The following ADGRB3 variants were observed in gnomAD, a reference collection of about 807,000 sequenced individuals.
The protein encoded by ADGRB3 is brain-specific angiogenesis inhibitor 3.
ADGRB3 carries 37 observed loss-of-function variants against 193.4 expected under a neutral mutation model. The observed-to-expected ratio is 0.19, with a 90% CI of 0.15 to 0.25. The LOEUF (loss-of-function observed/expected upper bound fraction) is 0.25. Ranked by LOEUF, ADGRB3 falls within the 10% of genes least tolerant of loss-of-function variation. The pLI, the probability that ADGRB3 is intolerant of heterozygous loss-of-function variation, is 1.00. For synonymous variants in ADGRB3, 690 were observed against 644.2 expected, an observed-to-expected ratio of 1.07 and a Z score of -1.08; for missense variants, 1,637 against 1,852.9, an observed-to-expected ratio of 0.88 and a Z score of 2.14.
chr6:69,178,376 T>C (rs772053870), intron 17 of ADGRB3, among the ~76,000 whole-genome samples: 10 of 152,040 alleles, frequency 6.6e-5, no homozygotes, highest in Non-Finnish European at 1.3e-4. Flanking sequence ...CAAATGGTTC[T>C]TGGTTTTTTT....
chr6:68,990,402 C>T (rs1769202688), intron 10 of ADGRB3, among the ~76,000 whole-genome samples: 1 of 152,108 alleles, frequency 6.6e-6, no homozygotes, highest in Non-Finnish European at 1.5e-5. Context: ...GTCCCGAGTG[C>T]TTTTCACCTA....
chr6:68,949,674 T>C (rs1348716766), intron 6 of ADGRB3, among the ~76,000 whole-genome samples: 1 of 152,172 alleles, frequency 6.6e-6, no homozygotes, highest in African/African-American at 2.4e-5. Flanking sequence ...TACTGCCTCA[T>C]TAACCTGTTC....
chr6:68,713,402 G>A (rs529649927), intron 3 of ADGRB3, among the ~76,000 whole-genome samples: 8 of 151,774 alleles, frequency 5.3e-5, no homozygotes, highest in African/African-American at 1.9e-4. Context: ...CTTAGGCATA[G>A]TTTATATGGT....
chr6:68,711,679 T>G (rs1168952012), intron 3 of ADGRB3, among the ~76,000 whole-genome samples: 1 of 152,114 alleles, frequency 6.6e-6, no homozygotes, highest in Non-Finnish European at 1.5e-5. Flanking sequence ...GACTGCTGGG[T>G]CTGCTGTTAG....
At chr6:68,639,697 G>A (rs182609038) in intron 3 of ADGRB3, among the ~76,000 whole-genome samples, 1 of 152,270 alleles carries the variant, frequency 6.6e-6, no homozygotes, top group Admixed American at 6.5e-5. Flanking sequence ...GAAACCTAGA[G>A]CCAGCATGCA....
intron 17 of ADGRB3, among the ~76,000 whole-genome samples, chr6:69,095,637 C>T (rs1483422212): frequency 1.5e-4 from 23 of 152,102 alleles, no homozygotes; most frequent in Non-Finnish European, 2.9e-5. Context: ...GAAGAAAATG[C>T]AGTGCTTTGG....
At chr6:69,333,487 A>G (rs1446317263) in intron 24 of ADGRB3, among the ~76,000 whole-genome samples, 1 of 152,134 alleles carries the variant, frequency 6.6e-6, no homozygotes, top group Admixed American at 6.5e-5. Context: ...TTACTTATCA[A>G]GCACTATTTA....
intron 20 of ADGRB3, among the ~76,000 whole-genome samples, chr6:69,269,993 A>G (rs949034502): frequency 6.6e-6 from 1 of 152,216 alleles, no homozygotes; most frequent in African/African-American, 2.4e-5. Context: ...TTTTTATAAC[A>G]TAAGTGTATA....
chr6:69,031,038 T>TCCTCTC (rs148944667), intron 13 of ADGRB3, among the ~76,000 whole-genome samples: 1 of 5,660 alleles, frequency 1.8e-4, no homozygotes, highest in Non-Finnish European at 3.9e-4. Flanking sequence ...TCTTCTCTTC[T>TCCTCTC]CTCTTCTCTT....
At chr6:68,879,077 TCATG>T (rs1765666181) in intron 3 of ADGRB3, among the ~76,000 whole-genome samples, 1 of 152,088 alleles carries the variant, frequency 6.6e-6, no homozygotes, top group South Asian at 2.1e-4. Context: ...CCAAACCATA[TCATG>T]GCATAAGCAA....
At chr6:69,263,982 C>CT (rs1037194051) in intron 20 of ADGRB3, among the ~76,000 whole-genome samples, 1 of 151,886 alleles carries the variant, frequency 6.6e-6, no homozygotes, top group Non-Finnish European at 1.5e-5. Context: ...CAGTACATAT[C>CT]CTTACATCTC....
rs1179612466 is a variant in ADGRB3 at position 68,989,597 on chromosome 6, T to A, written c.1735-4171T>A. Among the ~76,000 whole-genome samples the A allele has an allele frequency of 5.3e-5, 8 of 152,286 alleles. No homozygotes were observed. In the East Asian group the frequency reaches 1.5e-3, roughly 29 times the overall value. Reference sequence around the variant, plus strand: ...CCTCTATTTTTATATTAACCCATCATAATAACAACGTGATTATTTTCTCCT... The same window carrying A: ...CCTCTATTTTTATATTAACCCATCAAAATAACAACGTGATTATTTTCTCCT... On this transcript the variant is annotated intron_variant, in intron 10 of 31. Coordinates refer to ENST00000370598, the MANE Select transcript of ADGRB3 (RefSeq NM_001704.3).
At chr6:68,975,798 GAC>G (rs1383415882) in intron 10 of ADGRB3, among the ~76,000 whole-genome samples, 1 of 152,126 alleles carries the variant, frequency 6.6e-6, no homozygotes, top group African/African-American at 2.4e-5. Context: ...TAAAATAAAT[GAC>G]AGTGTTATTG....
chr6:69,264,308 A>G (rs1178369876), intron 20 of ADGRB3, among the ~76,000 whole-genome samples: 5 of 152,002 alleles, frequency 3.3e-5, no homozygotes, highest in African/African-American at 1.2e-4. Context: ...TTTCAAGCCC[A>G]GCAGGTCTTT....
At chr6:69,368,346 A>G (rs1363792671) in intron 29 of ADGRB3, among the ~76,000 whole-genome samples, 2 of 152,108 alleles carry the variant, frequency 1.3e-5, no homozygotes, top group Non-Finnish European at 2.9e-5. Flanking sequence ...TTGACTGTGC[A>G]GGTGAAAGTG....
Position 69,357,591 on chromosome 6 carries a change from G to C in ADGRB3, c.3595+1731G>C, listed in dbSNP as rs902335169. 2.6e-5 allele frequency among the ~76,000 whole-genome samples: 4 copies of C among 152,018 alleles called. No homozygotes were observed. The East Asian group carries it at 7.7e-4, about 29-fold the overall frequency. On this transcript the variant is annotated intron_variant, in intron 28 of 31. Transcript: ENST00000370598. ...AGACCTCCTCTACATGGAGCTTTCAGATTCAACTCAAAACCATTAAACATC... is the reference window on the plus strand; with the variant it reads ...AGACCTCCTCTACATGGAGCTTTCACATTCAACTCAAAACCATTAAACATC...
At chr6:69,181,201 C>T (rs927743160) in intron 17 of ADGRB3, among the ~76,000 whole-genome samples, 5 of 152,032 alleles carry the variant, frequency 3.3e-5, no homozygotes, top group Admixed American at 1.3e-4. Context: ...TTCCAATTTT[C>T]CTTATTGAAA....
intron 13 of ADGRB3, among the ~76,000 whole-genome samples, chr6:69,033,966 G>A (rs183786549): frequency 2.0e-5 from 3 of 152,100 alleles, no homozygotes; most frequent in Admixed American, 2.0e-4. Context: ...ATTTATATTG[G>A]ATAATAGGTT....
At chr6:69,099,323 G>C (rs1269597766) in intron 17 of ADGRB3, among the ~76,000 whole-genome samples, 1 of 152,212 alleles carries the variant, frequency 6.6e-6, no homozygotes, top group African/African-American at 2.4e-5. Context: ...CATTGACTAA[G>C]AGAGTATCAG....
Sources: gnomAD v4.1 joint callset for allele counts (sites outside exome capture counted in the v4.1 genomes callset) on GRCh38, gnomAD v4.1.1 for gene constraint, MANE v1.5 for transcripts, NCBI Gene and HGNC (gene_info 2026-07-23, HGNC 2026-07-21) for gene names.